The following KCTD16 variants were observed in gnomAD, a reference collection of about 807,000 sequenced individuals.
The protein encoded by KCTD16 is potassium channel tetramerization domain containing 16.
Under a neutral mutation model 33.2 loss-of-function variants are expected in KCTD16, and 13 were observed. The ratio of observed to expected loss-of-function variants is 0.39; its 90% CI spans 0.25 to 0.62. The LOEUF (loss-of-function observed/expected upper bound fraction) is 0.62, where lower values mean the gene tolerates loss of function less well. Ranked by LOEUF, KCTD16 falls within the 20% of genes least tolerant of loss-of-function variation. The pLI is 0.50. For synonymous variants in KCTD16, 197 were observed against 195.3 expected, an observed-to-expected ratio of 1.01 and a Z score of -0.07; for missense variants, 441 against 525.1, an observed-to-expected ratio of 0.84 and a Z score of 1.57.
At chr5:144,442,792 T>C (rs1376779083) in intron 3 of KCTD16, among the ~76,000 whole-genome samples, 2 of 152,080 alleles carry the variant, frequency 1.3e-5, no homozygotes, top group South Asian at 2.1e-4. Flanking sequence ...TTTGACTTTA[T>C]AGAACCACAA....
intron 3 of KCTD16, among the ~76,000 whole-genome samples, chr5:144,346,027 G>C (rs1752791726): frequency 6.7e-6 from 1 of 149,972 alleles, no homozygotes; most frequent in African/African-American, 2.5e-5. Context: ...CTAGCCTCTG[G>C]AAACTATTCT....
chr5:144,358,093 T>A (rs1177982426), intron 3 of KCTD16, among the ~76,000 whole-genome samples: 66 of 119,254 alleles, frequency 5.5e-4, no homozygotes, highest in African/African-American at 3.2e-3. Context: ...CCGGCTAATT[T>A]TTTTTTTTTT....
At chr5:144,281,169 G>C (rs968580066) in intron 3 of KCTD16, among the ~76,000 whole-genome samples, 1 of 152,214 alleles carries the variant, frequency 6.6e-6, no homozygotes, top group Non-Finnish European at 1.5e-5. Flanking sequence ...GCGACAGACC[G>C]AGACTCCGTC....
intron 2 of KCTD16, among the ~76,000 whole-genome samples, chr5:144,189,163 G>A (rs1301443565): frequency 1.3e-5 from 2 of 152,162 alleles, no homozygotes; most frequent in Non-Finnish European, 1.5e-5. Context: ...TAACCTACTT[G>A]GAGAACATGT....
rs537243440 is a variant in KCTD16, at chr5:144,420,828, C to T, written c.833-52832C>T. Reference sequence around the variant, plus strand: ...AAAGGAGAGAGACTGGGGCAAAAATCGCTGCCTTGTGCTCACAGATAACCC... The same window carrying T: ...AAAGGAGAGAGACTGGGGCAAAAATTGCTGCCTTGTGCTCACAGATAACCC... On this transcript the variant is annotated intron_variant, in intron 3 of 3. Transcript: ENST00000512467. Among the ~76,000 whole-genome samples, 11 of 152,234 alleles carry T rather than the reference C, an allele frequency of 7.2e-5. No individual in the cohort carries two copies. In the East Asian group the frequency reaches 1.6e-3, roughly 21 times the overall value.
intron 3 of KCTD16, among the ~76,000 whole-genome samples, chr5:144,311,292 A>G (rs1294188509): frequency 6.6e-6 from 1 of 152,220 alleles, no homozygotes; most frequent in Non-Finnish European, 1.5e-5. Flanking sequence ...GTAAAAACAA[A>G]GTGGAGACAA....
intron 3 of KCTD16, among the ~76,000 whole-genome samples, chr5:144,336,707 C>T (rs958829897): frequency 6.6e-6 from 1 of 152,066 alleles, no homozygotes; most frequent in Non-Finnish European, 1.5e-5. Context: ...AATTGTTCTA[C>T]CAGAGTTCCA....
chr5:144,300,406 A>G (rs766836204), intron 3 of KCTD16, among the ~76,000 whole-genome samples: 2 of 152,150 alleles, frequency 1.3e-5, no homozygotes, highest in Non-Finnish European at 2.9e-5. Context: ...TTGAAAACCC[A>G]CTTTTCAGAA....
Position 144,227,739 on chromosome 5 carries a change from C to T in KCTD16, c.832+20193C>T, listed in dbSNP as rs75985190. Among the ~76,000 whole-genome samples, 581 of 152,194 alleles carry T rather than the reference C, an allele frequency of 3.8e-3. 3 individuals carry two copies. Among genetic ancestry groups the T allele is most frequent in the Middle Eastern group, 0.014 (4 of 294 alleles). On this transcript the variant is annotated intron_variant, in intron 3 of 3. Coordinates refer to ENST00000512467, the MANE Select transcript of KCTD16 (RefSeq NM_020768.4). ...ATCCAGTTGAGAGGAGTGGATGGCT[C>T]AGAGAAGGTCGATAGGAGTGGAAAT...
At chr5:144,441,856 G>T (rs1320209752) in intron 3 of KCTD16, among the ~76,000 whole-genome samples, 2 of 128,460 alleles carry the variant, frequency 1.6e-5, no homozygotes, top group Non-Finnish European at 1.6e-5. Flanking sequence ...GACAATTTCT[G>T]CAAAAAAAAA....
At chr5:144,319,847 G>C (rs1752026579) in intron 3 of KCTD16, among the ~76,000 whole-genome samples, 1 of 152,082 alleles carries the variant, frequency 6.6e-6, no homozygotes, top group African/African-American at 2.4e-5. Context: ...CTTTGACCGT[G>C]AGTGAAATGA....
At chr5:144,192,897 G>A (rs1050539405) in intron 2 of KCTD16, among the ~76,000 whole-genome samples, 1 of 152,188 alleles carries the variant, frequency 6.6e-6, no homozygotes, top group Non-Finnish European at 1.5e-5. Context: ...ATGAGCAGTG[G>A]TGAGCCAATT....
intron 3 of KCTD16, among the ~76,000 whole-genome samples, chr5:144,257,577 C>T (rs1193625658): frequency 6.6e-6 from 1 of 152,086 alleles, no homozygotes. Flanking sequence ...CAAGCTCCGC[C>T]TCCTGGGTTC....
At chr5:144,319,589 C>A (rs1437726556) in intron 3 of KCTD16, among the ~76,000 whole-genome samples, 3 of 152,134 alleles carry the variant, frequency 2.0e-5, no homozygotes, top group Admixed American at 1.3e-4. Flanking sequence ...TTTGCACAAG[C>A]CTAATTTTTG....
intron 3 of KCTD16, among the ~76,000 whole-genome samples, chr5:144,247,121 A>T (rs1271344393): frequency 2.6e-5 from 4 of 152,196 alleles, no homozygotes; most frequent in Non-Finnish European, 5.9e-5. Context: ...AATAGCTCCC[A>T]TCCCATACAC....
At chr5:144,267,667 C>G (rs1755183515) in intron 3 of KCTD16, among the ~76,000 whole-genome samples, 1 of 152,130 alleles carries the variant, frequency 6.6e-6, no homozygotes, top group African/African-American at 2.4e-5. Context: ...AAAGTTTCCA[C>G]AGAGGATCTC....
intron 3 of KCTD16, among the ~76,000 whole-genome samples, chr5:144,343,493 G>C (rs187158755): frequency 6.6e-6 from 1 of 151,910 alleles, no homozygotes; most frequent in African/African-American, 2.4e-5. Context: ...AGTTTTGCTA[G>C]CGGTCTATCA....
intron 3 of KCTD16, among the ~76,000 whole-genome samples, chr5:144,436,377 G>C (rs1370105287): frequency 6.6e-6 from 1 of 151,988 alleles, no homozygotes; most frequent in Admixed American, 6.6e-5. Context: ...GTAAAACACT[G>C]TTCACTTTAT....
At chr5:144,339,158 G>C (rs1040274681) in intron 3 of KCTD16, among the ~76,000 whole-genome samples, 1 of 152,212 alleles carries the variant, frequency 6.6e-6, no homozygotes, top group Non-Finnish European at 1.5e-5. Context: ...ACTCTGCCTA[G>C]TGTATTCTGT....
Sources: gnomAD v4.1 joint callset for allele counts (sites outside exome capture counted in the v4.1 genomes callset) on GRCh38, gnomAD v4.1.1 for gene constraint, MANE v1.5 for transcripts, NCBI Gene and HGNC (gene_info 2026-07-23, HGNC 2026-07-21) for gene names.